The following MIA2 variants were observed in gnomAD, a reference collection of about 807,000 sequenced individuals.
MIA2 encodes the protein melanoma inhibitory activity protein 2.
A neutral mutation model predicts 167.8 loss-of-function variants in MIA2; 127 were observed. The observed-to-expected ratio is 0.76, with a 90% CI of 0.66 to 0.88. The LOEUF (loss-of-function observed/expected upper bound fraction) is 0.88. MIA2 is among the 40% of genes least tolerant of loss of function. The probability of loss-of-function intolerance (pLI) is 0.00; values close to 1 mark genes in which losing one functional copy is unlikely to be tolerated. For missense variants in MIA2, 1,690 were observed against 1,624.7 expected (o/e 1.04, Z -0.69); for synonymous variants, 552 against 541.9 (o/e 1.02, Z -0.26).
At chr14:39,347,656 A>G in intron 26 of MIA2, 57 bp from the exon 27 acceptor site, 3 of 1,563,550 alleles carry the variant, frequency 1.9e-6, no homozygotes, top group Non-Finnish European at 2.6e-6. Flanking sequence ...ATCTGGAGAT[A>G]CTCTAGGAAT....
intron 9 of MIA2, among the ~76,000 whole-genome samples, chr14:39,287,314 A>G (rs1436355440): frequency 6.6e-6 from 1 of 151,966 alleles, no homozygotes; most frequent in Non-Finnish European, 1.5e-5. Flanking sequence ...GGCTCAAGTG[A>G]TCCGCTTATC....
At chr14:39,242,214 A>C (rs1001726464) in intron 3 of MIA2, among the ~76,000 whole-genome samples, 1 of 152,242 alleles carries the variant, frequency 6.6e-6, no homozygotes, top group African/African-American at 2.4e-5. Flanking sequence ...CTGAGTTTGA[A>C]AATTAAAAAT....
intron 3 of MIA2, among the ~76,000 whole-genome samples, chr14:39,243,709 T>C (rs1659331789): frequency 6.6e-6 from 1 of 152,064 alleles, no homozygotes; most frequent in African/African-American, 2.4e-5. Context: ...TTACTAAGAA[T>C]ACAAAAATTA....
At chr14:39,257,358 G>T (rs1164082600) in intron 6 of MIA2, among the ~76,000 whole-genome samples, 1 of 151,394 alleles carries the variant, frequency 6.6e-6, no homozygotes, top group Non-Finnish European at 1.5e-5. Flanking sequence ...TCTTTTTTTT[G>T]ATCTTTGTTG....
At chr14:39,271,938 G>A (rs1248915752) in intron 6 of MIA2, among the ~76,000 whole-genome samples, 1 of 152,198 alleles carries the variant, frequency 6.6e-6, no homozygotes, top group African/African-American at 2.4e-5. Context: ...AAGTCCCCCT[G>A]TGTGGCTGGG....
rs757863772 is a variant in MIA2, at chr14:39,247,745, A to G, written c.1171A>G (p.Lys391Glu). The G allele has an allele frequency of 3.7e-6, 6 of 1,613,404 alleles. No individual in the cohort carries two copies. The African/African-American group carries it at 6.7e-5, about 18-fold the overall frequency. The change falls in exon 4 of 29, where the codon AAG (lysine) becomes GAG (glutamate). Residue 391 changes from lysine to glutamate, a missense_variant. Transcript: ENST00000640607. The part of the protein sequence containing the change: ...GFAILGFAYA[K>E]EDKIMLDDRK... Reference sequence around the variant, plus strand: ...TGCTATACTAGGCTTTGCATATGCCAAGGAAGATAAAATTATGTTAGATGA... The same window carrying G: ...TGCTATACTAGGCTTTGCATATGCCGAGGAAGATAAAATTATGTTAGATGA...
chr14:39,373,179 T>C (rs372110455), intron 23 of MIA2, among the ~76,000 whole-genome samples: 210 of 152,280 alleles, frequency 1.4e-3, no homozygotes, highest in African/African-American at 4.8e-3. Flanking sequence ...GATTTAATTA[T>C]GGTTTTAGGA....
At chr14:39,288,475 A>ATATATTTTTT (rs1294270700) in intron 9 of MIA2, among the ~76,000 whole-genome samples, 1 of 50,516 alleles carries the variant, frequency 2.0e-5, no homozygotes, top group African/African-American at 1.1e-4. Context: ...ATATATATAT[A>ATATATTTTTT]TTTTTTTTTT....
chr14:39,338,954 G>A (rs1595800131), intron 25 of MIA2, among the ~76,000 whole-genome samples: 1 of 152,208 alleles, frequency 6.6e-6, no homozygotes, highest in East Asian at 1.9e-4. Context: ...TCACTATCCT[G>A]TAGATCAGCA....
chr14:39,340,991 T>C (rs1383414652), intron 25 of MIA2, among the ~76,000 whole-genome samples: 1 of 151,812 alleles, frequency 6.6e-6, no homozygotes, highest in Non-Finnish European at 1.5e-5. Context: ...GAGGGAGAGG[T>C]GTTTTGGTTT....
chr14:39,248,330 T>C (rs2054401624), intron 4 of MIA2, 189 bp downstream of exon 4: 2 of 316,222 alleles, frequency 6.3e-6, no homozygotes, highest in African/African-American at 2.1e-5. Context: ...AGAAAAACAA[T>C]GATTGGAGAT....
chr14:39,386,563 CTT>C, intron 23 of MIA2: 1 of 1,209,014 alleles, frequency 8.3e-7, no homozygotes, highest in South Asian at 1.3e-5. Context: ...CTTTTGGTCT[CTT>C]TGTTATCATC....
At position 39,299,915 on chromosome 14, in the gene MIA2, C is replaced by T; in HGVS notation, c.2548C>T (p.Gln850Ter). 6.2e-7 allele frequency: 1 copy of T among 1,609,072 alleles called. No homozygotes were observed. Among genetic ancestry groups the T allele is most frequent in the South Asian group, 1.1e-5 (1 of 89,838 alleles). ...WKEQVSELNK[Q>*]KVTFEDSKVH... ...AGAACAAGTGAGTGAACTTAATAAA[C>T]AGAAAGTAACATTTGAAGACTCCAA... The change falls in exon 14 of 29, where the codon CAG becomes TAG. Residue 850 changes from glutamine to a stop codon, truncating the protein, a stop_gained. Transcript: ENST00000640607. LOFTEE classifies it high-confidence loss of function.
chr14:39,339,269 C>T (rs779649236), intron 25 of MIA2, among the ~76,000 whole-genome samples: 16 of 152,136 alleles, frequency 1.1e-4, no homozygotes, highest in Non-Finnish European at 1.9e-4. Flanking sequence ...GGTACTGGCC[C>T]GCAGCCCAGG....
At chr14:39,269,563 A>C (rs1369707022) in intron 6 of MIA2, among the ~76,000 whole-genome samples, 2 of 148,370 alleles carry the variant, frequency 1.3e-5, no homozygotes, top group African/African-American at 5.0e-5. Flanking sequence ...CCTGTCACCC[A>C]GGGGGGAGTG....
intron 13 of MIA2, among the ~76,000 whole-genome samples, chr14:39,299,514 C>T (rs992498333): frequency 6.6e-6 from 1 of 151,418 alleles, no homozygotes; most frequent in Non-Finnish European, 1.5e-5. Context: ...ACCATGTTGG[C>T]CAGGATGGTG....
At position 39,247,308 on chromosome 14, in the gene MIA2, C is replaced by G; in HGVS notation, c.734C>G (p.Pro245Arg). The G allele has an allele frequency of 6.2e-7, 1 of 1,613,864 alleles. No homozygotes were observed. The highest frequency in any genetic ancestry group is 8.5e-7 in the Non-Finnish European group (1 of 1,179,946). ...AAGGCTTTTGAATCAGTTATTGAACCTGTACAAGAAAGCTCATTTCGGAGT... is the reference window on the plus strand; with the variant it reads ...AAGGCTTTTGAATCAGTTATTGAACGTGTACAAGAAAGCTCATTTCGGAGT... The part of the protein sequence containing the change: ...EEKAFESVIE[P>R]VQESSFRSRK... Residue 245 changes from proline to arginine, a missense_variant, in exon 4 of 29, where the codon CCT becomes CGT. Pro to Arg is a moderately radical substitution (Grantham distance 103, BLOSUM62 -2). Coordinates refer to ENST00000640607, the MANE Select transcript of MIA2 (RefSeq NM_001329214.4).
chr14:39,272,345 C>A (rs1231344272), intron 6 of MIA2, among the ~76,000 whole-genome samples: 1 of 151,728 alleles, frequency 6.6e-6, no homozygotes, highest in Non-Finnish European at 1.5e-5. Flanking sequence ...GGGCGAGACT[C>A]CATCCCAAAA....
intron 6 of MIA2, among the ~76,000 whole-genome samples, chr14:39,269,307 C>T (rs1566642008): frequency 6.6e-6 from 1 of 151,708 alleles, no homozygotes; most frequent in African/African-American, 2.4e-5. Context: ...ATTTTTATTA[C>T]CCCAGAAAAT....
Sources: gnomAD v4.1 joint callset for allele counts (sites outside exome capture counted in the v4.1 genomes callset) on GRCh38, gnomAD v4.1.1 for gene constraint, MANE v1.5 for transcripts, NCBI Gene and HGNC (gene_info 2026-07-23, HGNC 2026-07-21) for gene names.